The following SCFD2 variants were observed in gnomAD, a reference collection of about 807,000 sequenced individuals.
SCFD2 encodes sec1 family domain-containing protein 2.
In SCFD2, 54 loss-of-function variants were observed where a neutral mutation model predicts 58.9. The ratio of observed to expected loss-of-function variants is 0.92; its 90% confidence interval spans 0.74 to 1.15. The LOEUF is 1.15. Ranked by LOEUF, SCFD2 falls within the 50% of genes most tolerant of loss-of-function variation. The pLI, the probability that SCFD2 is intolerant of heterozygous loss-of-function variation, is 0.00. For missense variants in SCFD2, 805 were observed against 836.6 expected, an observed-to-expected ratio of 0.96 and a Z score of 0.47; for synonymous variants, 321 against 335.9, an observed-to-expected ratio of 0.96 and a Z score of 0.49.
intron 4 of SCFD2, among the ~76,000 whole-genome samples, chr4:53,254,801 TA>T (rs1195404320): frequency 7.1e-6 from 1 of 141,270 alleles, no homozygotes; most frequent in Non-Finnish European, 1.5e-5. Context: ...ATGTTTATTT[TA>T]TTTTTTTATT....
intron 4 of SCFD2, among the ~76,000 whole-genome samples, chr4:53,197,255 T>C (rs559477288): frequency 2.0e-4 from 30 of 152,136 alleles, no homozygotes; most frequent in Non-Finnish European, 3.8e-4. Flanking sequence ...GCCTGAACTG[T>C]TCATCAAAAC....
intron 6 of SCFD2, among the ~76,000 whole-genome samples, chr4:52,916,631 TTA>T (rs1293039406): frequency 6.6e-6 from 1 of 152,122 alleles, no homozygotes; most frequent in Non-Finnish European, 1.5e-5. Flanking sequence ...AGTTGGGGGC[TTA>T]GGTTTCCAGT....
chr4:53,281,230 T>C (rs535588476), intron 3 of SCFD2, among the ~76,000 whole-genome samples: 51 of 152,346 alleles, frequency 3.3e-4, no homozygotes, highest in African/African-American at 1.0e-3. Context: ...AAATTTAGCA[T>C]GCCTTTTTAA....
intron 4 of SCFD2, among the ~76,000 whole-genome samples, chr4:53,193,907 G>A (rs1293044675): frequency 1.3e-5 from 2 of 152,060 alleles, no homozygotes; most frequent in African/African-American, 4.8e-5. Flanking sequence ...CCAAGTCTGC[G>A]CCTACTTCTC....
At chr4:53,342,504 T>C (rs1214036513) in intron 2 of SCFD2, among the ~76,000 whole-genome samples, 1 of 152,116 alleles carries the variant, frequency 6.6e-6, no homozygotes, top group Admixed American at 6.5e-5. Context: ...AACACAATAA[T>C]AATGGGAGAT....
At chr4:53,253,641 A>G (rs549304943) in intron 4 of SCFD2, among the ~76,000 whole-genome samples, 4 of 151,402 alleles carry the variant, frequency 2.6e-5, no homozygotes, top group African/African-American at 9.7e-5. Flanking sequence ...TCGCAAGAAC[A>G]AAAAACCAAA....
At chr4:53,256,304 C>T (rs1443094377) in intron 4 of SCFD2, among the ~76,000 whole-genome samples, 1 of 145,146 alleles carries the variant, frequency 6.9e-6, no homozygotes, top group Non-Finnish European at 1.5e-5. Context: ...GGGGCAGAGG[C>T]GCTCCCCACA....
chr4:52,883,688 G>T (rs570814657), intron 8 of SCFD2, among the ~76,000 whole-genome samples: 1 of 152,156 alleles, frequency 6.6e-6, no homozygotes, highest in Non-Finnish European at 1.5e-5. Flanking sequence ...GGTTCACCAC[G>T]TTAGGGGCAG....
intron 5 of SCFD2, among the ~76,000 whole-genome samples, chr4:53,012,994 C>T (rs1363388270): frequency 1.3e-5 from 2 of 152,170 alleles, no homozygotes; most frequent in Non-Finnish European, 2.9e-5. Flanking sequence ...AACTCCACCA[C>T]ACTTCCACTG....
rs111713838 is a variant in SCFD2, at chr4:53,249,274, C to T, written c.1311+24552G>A. ...TTAGAGAAAAAAGAACAAAAAGAAA[C>T]GAACAAAGCCTCCAAGAAATATGGG... On this transcript the variant is annotated intron_variant, in intron 4 of 8. Coordinates refer to ENST00000401642, the MANE Select transcript of SCFD2 (RefSeq NM_152540.4). Among the ~76,000 whole-genome samples, 105 of 151,976 alleles carry T rather than the reference C, an allele frequency of 6.9e-4. 1 individual carries two copies. The highest frequency in any genetic ancestry group is 5.6e-3 in the East Asian group (29 of 5,170).
At chr4:53,007,874 G>C (rs1317945771) in intron 5 of SCFD2, among the ~76,000 whole-genome samples, 1 of 152,212 alleles carries the variant, frequency 6.6e-6, no homozygotes, top group East Asian at 1.9e-4. Flanking sequence ...GAGTGTGGCA[G>C]ACTGTAAGAG....
At chr4:53,231,841 T>TA (rs935643474) in intron 4 of SCFD2, among the ~76,000 whole-genome samples, 2 of 152,022 alleles carry the variant, frequency 1.3e-5, no homozygotes, top group African/African-American at 4.8e-5. Context: ...AAAACTTACC[T>TA]AAAAAAATTA....
intron 7 of SCFD2, among the ~76,000 whole-genome samples, chr4:52,888,461 T>C (rs1718803757): frequency 6.6e-6 from 1 of 152,232 alleles, no homozygotes; most frequent in Non-Finnish European, 1.5e-5. Context: ...AACTGCTTTC[T>C]TCCAATCTGC....
intron 4 of SCFD2, among the ~76,000 whole-genome samples, chr4:53,230,931 T>C (rs1729417667): frequency 6.6e-6 from 1 of 152,118 alleles, no homozygotes; most frequent in South Asian, 2.1e-4. Flanking sequence ...ATGTACACTG[T>C]ATTGTATGCT....
intron 4 of SCFD2, among the ~76,000 whole-genome samples, chr4:53,206,341 A>C (rs1339450723): frequency 2.0e-5 from 3 of 152,156 alleles, no homozygotes; most frequent in Non-Finnish European, 4.4e-5. Flanking sequence ...AGAAATTAGC[A>C]AACAGAAGAT....
At chr4:52,927,659 A>G (rs1322046289) in intron 5 of SCFD2, among the ~76,000 whole-genome samples, 3 of 152,226 alleles carry the variant, frequency 2.0e-5, no homozygotes, top group Non-Finnish European at 4.4e-5. Context: ...AGTAACAAGT[A>G]CAACTGGCAC....
chr4:52,876,680 G>A (rs1228648695), intron 8 of SCFD2, among the ~76,000 whole-genome samples: 1 of 150,010 alleles, frequency 6.7e-6, no homozygotes, highest in Non-Finnish European at 1.5e-5. Context: ...AACCCTGGAG[G>A]TGGAAGTTGC....
intron 3 of SCFD2, among the ~76,000 whole-genome samples, chr4:53,290,941 A>T (rs1041011568): frequency 5.3e-5 from 8 of 152,112 alleles, no homozygotes; most frequent in African/African-American, 1.9e-4. Context: ...AAATAAAGAG[A>T]CTGAAACAAA....
At chr4:52,923,565 T>C (rs570316078) in intron 5 of SCFD2, among the ~76,000 whole-genome samples, 3 of 152,066 alleles carry the variant, frequency 2.0e-5, no homozygotes, top group African/African-American at 7.2e-5. Context: ...CAGTGGACCC[T>C]ACACACATGG....
Sources: allele counts gnomAD v4.1 joint callset (sites outside exome capture counted in the v4.1 genomes callset), GRCh38; gene constraint gnomAD v4.1.1; transcripts MANE v1.5; gene names NCBI Gene and HGNC (gene_info 2026-07-23, HGNC 2026-07-21).